XKR4: variants seen among roughly 807,000 people sequenced by gnomAD.
XKR4 encodes XK-related protein 4.
XKR4 carries 12 observed loss-of-function variants against 53.9 expected under a neutral mutation model. The ratio of observed to expected loss-of-function variants is 0.22; its 90% confidence interval spans 0.14 to 0.36. The LOEUF (loss-of-function observed/expected upper bound fraction) is 0.36, where lower values mean the gene tolerates loss of function less well. Ranked by LOEUF, XKR4 falls within the 10% of genes least tolerant of loss-of-function variation. The pLI is 1.00. For synonymous variants in XKR4, 354 were observed against 362.4 expected (o/e 0.98, Z 0.26); for missense variants, 799 against 859.5 (o/e 0.93, Z 0.88).
chr8:55,492,140 C>G (rs529040108), intron 2 of XKR4, among the ~76,000 whole-genome samples: 7 of 152,226 alleles, frequency 4.6e-5, no homozygotes, highest in African/African-American at 1.7e-4. Context: ...CTGGTCTCAC[C>G]TAATTTATTT....
chr8:55,214,122 A>G (rs118161920), intron 1 of XKR4, among the ~76,000 whole-genome samples: 2,255 of 152,052 alleles, frequency 0.015, 44 homozygotes, highest in East Asian at 0.044. Context: ...TCAGCCTCCT[A>G]AAGTTGCCAG....
intron 1 of XKR4, among the ~76,000 whole-genome samples, chr8:55,230,266 G>T (rs2129366773): frequency 6.6e-6 from 1 of 150,964 alleles, no homozygotes; most frequent in African/African-American, 2.4e-5. Context: ...ATCAAAACTA[G>T]AAAAAACTAG....
chr8:55,512,380 C>T (rs1471946540), intron 2 of XKR4, among the ~76,000 whole-genome samples: 1 of 152,166 alleles, frequency 6.6e-6, no homozygotes, highest in East Asian at 1.9e-4. Context: ...ACCACAGCCT[C>T]CTGCCTCCTC....
chr8:55,307,257 T>C (rs1481760489), intron 1 of XKR4, among the ~76,000 whole-genome samples: 1 of 152,134 alleles, frequency 6.6e-6, no homozygotes, highest in African/African-American at 2.4e-5. Flanking sequence ...AAAGGACTAG[T>C]TCCTAGAAGT....
intron 1 of XKR4, among the ~76,000 whole-genome samples, chr8:55,268,704 G>A (rs1818646294): frequency 6.6e-6 from 1 of 152,116 alleles, no homozygotes; most frequent in South Asian, 2.1e-4. Context: ...CTAGCTTTGA[G>A]TGCATTGTTT....
At chr8:55,498,276 G>A (rs899313559) in intron 2 of XKR4, among the ~76,000 whole-genome samples, 4 of 152,310 alleles carry the variant, frequency 2.6e-5, no homozygotes, top group Admixed American at 1.3e-4. Context: ...TGCTAGGGAA[G>A]ACGGATCCCC....
intron 2 of XKR4, among the ~76,000 whole-genome samples, chr8:55,376,074 G>A (rs1211475386): frequency 1.3e-5 from 2 of 152,020 alleles, no homozygotes; most frequent in Non-Finnish European, 1.5e-5. Flanking sequence ...CCTTTTTATG[G>A]CTGCATAGTA....
intron 1 of XKR4, among the ~76,000 whole-genome samples, chr8:55,140,447 G>C (rs911470166): frequency 1.3e-5 from 2 of 152,164 alleles, no homozygotes; most frequent in Admixed American, 1.3e-4. Flanking sequence ...GTCCCACAGG[G>C]GTCTCAGTGC....
intron 1 of XKR4, among the ~76,000 whole-genome samples, chr8:55,225,314 A>G (rs926637569): frequency 2.6e-5 from 4 of 152,244 alleles, no homozygotes; most frequent in African/African-American, 9.6e-5. Context: ...ACAGATAAAT[A>G]TATGCATTGT....
intron 2 of XKR4, among the ~76,000 whole-genome samples, chr8:55,477,990 T>C (rs1302214868): frequency 5.3e-5 from 8 of 152,096 alleles, no homozygotes; most frequent in Non-Finnish European, 7.3e-5. Flanking sequence ...TGCAGGATAT[T>C]ATCCAGGAGA....
At chr8:55,397,318 C>T (rs1263747987) in intron 2 of XKR4, among the ~76,000 whole-genome samples, 1 of 152,150 alleles carries the variant, frequency 6.6e-6, no homozygotes, top group African/African-American at 2.4e-5. Flanking sequence ...ATTGTGTAAT[C>T]TCAGTGGAAA....
intron 2 of XKR4, among the ~76,000 whole-genome samples, chr8:55,465,826 G>A (rs1299952477): frequency 3.9e-5 from 6 of 152,102 alleles, no homozygotes; most frequent in African/African-American, 1.2e-4. Flanking sequence ...AGTGGGCAAA[G>A]GATATGAACA....
intron 2 of XKR4, among the ~76,000 whole-genome samples, chr8:55,511,650 C>T (rs977227542): frequency 3.3e-5 from 5 of 152,352 alleles, no homozygotes; most frequent in South Asian, 4.1e-4. Context: ...GCTTCGACTT[C>T]GCCCTTCCTT....
At chr8:55,268,413 C>T (rs1452106226) in intron 1 of XKR4, among the ~76,000 whole-genome samples, 4 of 152,002 alleles carry the variant, frequency 2.6e-5, no homozygotes, top group Non-Finnish European at 5.9e-5. Flanking sequence ...AGATTTAGCA[C>T]CATAGAGGAA....
intron 1 of XKR4, among the ~76,000 whole-genome samples, chr8:55,259,577 G>C (rs957151996): frequency 4.6e-5 from 7 of 152,010 alleles, no homozygotes; most frequent in Non-Finnish European, 7.4e-5. Context: ...GGGGACCCTC[G>C]CTTGATGTGG....
chr8:55,387,901 T>C (rs893151186), intron 2 of XKR4, among the ~76,000 whole-genome samples: 4 of 152,128 alleles, frequency 2.6e-5, no homozygotes, highest in African/African-American at 9.7e-5. Flanking sequence ...AGCTGAGAGA[T>C]GGGAGGGTGA....
intron 1 of XKR4, among the ~76,000 whole-genome samples, chr8:55,180,373 A>G (rs1327899929): frequency 6.6e-6 from 1 of 152,188 alleles, no homozygotes; most frequent in Non-Finnish European, 1.5e-5. Flanking sequence ...GATAGCTCTA[A>G]TGAATTTTAT....
At chr8:55,293,713 C>A (rs959371425) in intron 1 of XKR4, among the ~76,000 whole-genome samples, 2 of 151,952 alleles carry the variant, frequency 1.3e-5, no homozygotes, top group African/African-American at 4.8e-5. Context: ...AGCCATTTTC[C>A]TAAAGAAAAT....
intron 2 of XKR4, among the ~76,000 whole-genome samples, chr8:55,514,959 A>C (rs7818386): frequency 0.036 from 5,406 of 152,270 alleles, 331 homozygotes; most frequent in African/African-American, 0.12. Flanking sequence ...TTAATAAAAA[A>C]CTAAATTTTA....
Sources: gnomAD v4.1 joint callset for allele counts (sites outside exome capture counted in the v4.1 genomes callset) on GRCh38, gnomAD v4.1.1 for gene constraint, MANE v1.5 for transcripts, NCBI Gene and HGNC (gene_info 2026-07-23, HGNC 2026-07-21) for gene names.